Variants in ADAMTS3 observed in about 807,000 individuals in gnomAD.
ADAMTS3 encodes A disintegrin and metalloproteinase with thrombospondin motifs 3.
Under a neutral mutation model 129.0 loss-of-function variants are expected in ADAMTS3, and 73 were observed. The ratio of observed to expected loss-of-function variants is 0.57; its 90% CI spans 0.47 to 0.69. The LOEUF (loss-of-function observed/expected upper bound fraction) is 0.69, where lower values mean the gene tolerates loss of function less well. Among genes scored for constraint, ADAMTS3 ranks in the 30% least tolerant of loss-of-function variants. The probability of loss-of-function intolerance (pLI) is 0.00; values close to 1 mark genes in which losing one functional copy is unlikely to be tolerated. For missense variants in ADAMTS3, 1,457 were observed against 1,514.5 expected (o/e 0.96, Z 0.63); for synonymous variants, 477 against 510.8 (o/e 0.93, Z 0.89).
chr4:72,311,344 A>G (rs980369746), intron 13 of ADAMTS3, among the ~76,000 whole-genome samples, 163 bp from the exon 14 acceptor site: 1 of 146,094 alleles, frequency 6.8e-6, no homozygotes, highest in Non-Finnish European at 1.5e-5. Context: ...AAGTATGTAC[A>G]TTTGACATTT....
At chr4:72,530,902 T>A (rs1215992921) in intron 3 of ADAMTS3, among the ~76,000 whole-genome samples, 2 of 140,576 alleles carry the variant, frequency 1.4e-5, no homozygotes, top group Admixed American at 1.6e-4. Context: ...CATATATGCT[T>A]TTTAGGTAAT....
rs564776099 is a variant in ADAMTS3, at chr4:72,336,158, T to C, written c.861+3336A>G. Among the ~76,000 whole-genome samples the C allele has an allele frequency of 5.3e-5, 8 of 152,286 alleles. No individual in the cohort carries two copies. In the South Asian group the frequency reaches 1.7e-3, roughly 32 times the overall value. ...TGCTGAGCAGTCAACCAAGGCAAAGTTGACCAACAATTTTAAAGGACAGCA... is the reference window on the plus strand; with the variant it reads ...TGCTGAGCAGTCAACCAAGGCAAAGCTGACCAACAATTTTAAAGGACAGCA... On this transcript the variant is annotated intron_variant, in intron 5 of 21. Coordinates refer to ENST00000286657, the MANE Select transcript of ADAMTS3 (RefSeq NM_014243.3).
chr4:72,374,692 G>T (rs1342700975), intron 4 of ADAMTS3, among the ~76,000 whole-genome samples: 1 of 152,150 alleles, frequency 6.6e-6, no homozygotes, highest in Non-Finnish European at 1.5e-5. Context: ...TCAAGAGAAT[G>T]AGGTGACTGA....
intron 3 of ADAMTS3, among the ~76,000 whole-genome samples, chr4:72,543,144 A>C (rs1447651563): frequency 6.6e-6 from 1 of 152,214 alleles, no homozygotes; most frequent in African/African-American, 2.4e-5. Flanking sequence ...ATCAAAATAA[A>C]CTTGTACTAA....
intron 16 of ADAMTS3, 116 bp from the exon 17 acceptor site, chr4:72,304,196 G>T (rs1283566937): frequency 3.8e-6 from 4 of 1,044,126 alleles, no homozygotes; most frequent in South Asian, 1.6e-5. Context: ...TTTATTAGTA[G>T]CAAGGAATCA....
chr4:72,477,132 T>C (rs901213118), intron 3 of ADAMTS3, among the ~76,000 whole-genome samples: 7 of 152,010 alleles, frequency 4.6e-5, no homozygotes, highest in Non-Finnish European at 1.0e-4. Context: ...AAAGCAGAGA[T>C]GTCTACTCTC....
At chr4:72,452,161 T>TA (rs1718424575) in intron 3 of ADAMTS3, among the ~76,000 whole-genome samples, 1 of 151,742 alleles carries the variant, frequency 6.6e-6, no homozygotes, top group Non-Finnish European at 1.5e-5. Flanking sequence ...GTCACATTTA[T>TA]AAAAACAGAA....
At chr4:72,540,991 T>A (rs1445977714) in intron 3 of ADAMTS3, among the ~76,000 whole-genome samples, 2 of 152,104 alleles carry the variant, frequency 1.3e-5, no homozygotes, top group Non-Finnish European at 2.9e-5. Flanking sequence ...AGTGGAGCTG[T>A]GAGAAGAGGG....
chr4:72,394,658 AT>A (rs1721681294), intron 4 of ADAMTS3, among the ~76,000 whole-genome samples: 1 of 152,116 alleles, frequency 6.6e-6, no homozygotes, highest in East Asian at 1.9e-4. Context: ...ATGTATGTTT[AT>A]TTTTTGCATT....
rs1393010427 is a variant in ADAMTS3, at chr4:72,303,973, C to T, written c.2368G>A (p.Asp790Asn). ...TCGGTGTGAAGACTTTCAATGTCAT[C>T]TTCAATGTTATAATCCCACTCCACA... ...LGVEWDYNIE[D>N]DIESLHTDGP... The change falls in exon 17 of 22, where the codon GAT becomes AAT. Residue 790 changes from aspartate to asparagine, a missense_variant. Physicochemically the swap from Asp to Asn is conservative, Grantham distance 23 (BLOSUM62 1). Coordinates refer to ENST00000286657, the MANE Select transcript of ADAMTS3 (RefSeq NM_014243.3). The T allele has an allele frequency of 6.2e-7, 1 of 1,613,732 alleles. No homozygotes were observed. The highest frequency in any genetic ancestry group is 1.1e-5 in the South Asian group (1 of 91,082).
chr4:72,520,408 G>A (rs1257064993), intron 3 of ADAMTS3, among the ~76,000 whole-genome samples: 1 of 152,210 alleles, frequency 6.6e-6, no homozygotes, highest in African/African-American at 2.4e-5. Flanking sequence ...AGAGGTTACT[G>A]CTGTCTTTTT....
intron 4 of ADAMTS3, among the ~76,000 whole-genome samples, chr4:72,355,824 AAAC>A (rs1420349865): frequency 1.3e-5 from 2 of 152,168 alleles, no homozygotes; most frequent in Non-Finnish European, 1.5e-5. Flanking sequence ...GACTAAAGAG[AAAC>A]AACAAGGCTG....
chr4:72,523,488 T>G (rs944128460), intron 3 of ADAMTS3, among the ~76,000 whole-genome samples: 2 of 151,992 alleles, frequency 1.3e-5, no homozygotes, highest in African/African-American at 4.8e-5. Flanking sequence ...AAATGAAATA[T>G]AAAGAAATAC....
At chr4:72,371,365 C>T (rs763586105) in intron 4 of ADAMTS3, among the ~76,000 whole-genome samples, 13 of 151,210 alleles carry the variant, frequency 8.6e-5, no homozygotes, top group South Asian at 6.3e-4. Flanking sequence ...TGCTTACAAG[C>T]GACACATCTT....
Position 72,345,865 on chromosome 4 carries a change from A to G in ADAMTS3, c.662-6172T>C, listed in dbSNP as rs187811056. 3.4e-4 allele frequency among the ~76,000 whole-genome samples: 52 copies of G among 152,278 alleles called. 1 individual carries two copies. The East Asian group carries it at 9.1e-3, about 27-fold the overall frequency. On this transcript the variant is annotated intron_variant, in intron 4 of 21. Transcript: ENST00000286657. The stretch of plus-strand genomic sequence containing the variant: ...AATTTTAAAATCAGTTTAATATCCA[A>G]AATATGAACTCTGACTGGCAGTAAA...
At chr4:72,431,902 G>A (rs1021106861) in intron 3 of ADAMTS3, among the ~76,000 whole-genome samples, 7 of 151,922 alleles carry the variant, frequency 4.6e-5, no homozygotes, top group Admixed American at 2.0e-4. Context: ...TAGTTGTAGC[G>A]TAGTAATTTT....
chr4:72,510,918 T>C (rs958354862), intron 3 of ADAMTS3, among the ~76,000 whole-genome samples: 3 of 147,200 alleles, frequency 2.0e-5, no homozygotes, highest in Non-Finnish European at 4.5e-5. Flanking sequence ...GATACTGGTA[T>C]AAAATCAGAT....
intron 4 of ADAMTS3, among the ~76,000 whole-genome samples, chr4:72,401,170 C>G (rs72607843): frequency 1.3e-5 from 2 of 151,604 alleles, no homozygotes; most frequent in South Asian, 4.2e-4. Context: ...TCCATCATCA[C>G]GTAAAATCCT....
chr4:72,305,263 C>T (rs2109789648), intron 16 of ADAMTS3, among the ~76,000 whole-genome samples: 1 of 152,080 alleles, frequency 6.6e-6, no homozygotes, highest in South Asian at 2.1e-4. Context: ...ATAATCAGCT[C>T]TCCGTGGCAA....
Sources: allele counts gnomAD v4.1 joint callset (sites outside exome capture counted in the v4.1 genomes callset), GRCh38; gene constraint gnomAD v4.1.1; transcripts MANE v1.5; gene names NCBI Gene and HGNC (gene_info 2026-07-23, HGNC 2026-07-21).